RBFOX3: variants seen among roughly 807,000 people sequenced by gnomAD.
RBFOX3 encodes the protein RNA binding protein fox-1 homolog 3.
A neutral mutation model predicts 48.7 loss-of-function variants in RBFOX3; 17 were observed. That is an observed-to-expected ratio of 0.35 (90% confidence interval 0.24 to 0.52). The LOEUF (loss-of-function observed/expected upper bound fraction) is 0.52. RBFOX3 is among the 20% of genes least tolerant of loss of function. The probability of loss-of-function intolerance (pLI) is 0.94; values close to 1 mark genes in which losing one functional copy is unlikely to be tolerated. For synonymous variants in RBFOX3, 212 were observed against 209.5 expected (o/e 1.01, Z -0.10); for missense variants, 382 against 497.5 (o/e 0.77, Z 2.21).
At chr17:79,656,929 GA>G in the RBFOX3 span, among the ~76,000 whole-genome samples, 68 of 146,544 alleles carry the variant, frequency 4.6e-4, no homozygotes, top group Middle Eastern at 3.6e-3. Flanking sequence ...AAAGAAAAGA[GA>G]AATTTATAGA....
In RBFOX3 at chr17:79,195,055, T is replaced by A. The variant is rs1463626530; in HGVS notation, c.-34+40711A>T. On this transcript the variant is annotated intron_variant, in intron 4 of 14. Coordinates refer to ENST00000693108, the MANE Select transcript of RBFOX3 (RefSeq NM_001350451.2). This position sits in a 1 kb window ranked among gnomAD's most constrained non-coding sequence, Gnocchi z 5.3. Reference sequence around the variant, plus strand: ...CTCAGCCCCACCGACATCAGCTCACTATCATCCCCATTGCCTGCGCGGTGC... The same window carrying A: ...CTCAGCCCCACCGACATCAGCTCACAATCATCCCCATTGCCTGCGCGGTGC... Among the ~76,000 whole-genome samples the A allele has an allele frequency of 6.6e-6, 1 of 151,994 alleles. No individual in the cohort carries two copies. Among genetic ancestry groups the A allele is most frequent in the African/African-American group, 2.4e-5 (1 of 41,382 alleles).
At chr17:79,371,213 G>A (rs1442619272) in intron 2 of RBFOX3, among the ~76,000 whole-genome samples, 1 of 152,244 alleles carries the variant, frequency 6.6e-6, no homozygotes, top group African/African-American at 2.4e-5. Flanking sequence ...TTGCCTCCAT[G>A]GGGCAGATTA....
At chr17:79,092,058 C>T (rs2074019914) in intron 14 of RBFOX3, 11 of 985,376 alleles carry the variant, frequency 1.1e-5, no homozygotes, top group Non-Finnish European at 1.3e-5. Context: ...CACCCTCAGG[C>T]CGGGGAGACC....
At chr17:79,525,655 G>C (rs1233349424) in intron 1 of RBFOX3, among the ~76,000 whole-genome samples, 1 of 152,168 alleles carries the variant, frequency 6.6e-6, no homozygotes, top group Non-Finnish European at 1.5e-5. Flanking sequence ...GATGTCTAAA[G>C]GAACATTGCT....
chr17:79,291,254 T>C (rs1463256306), intron 3 of RBFOX3, among the ~76,000 whole-genome samples: 1 of 152,190 alleles, frequency 6.6e-6, no homozygotes, highest in Non-Finnish European at 1.5e-5. Context: ...GAGCATTCTT[T>C]GTGAGGTTAT....
intron 2 of RBFOX3, among the ~76,000 whole-genome samples, chr17:79,413,380 C>T (rs1172499534): frequency 1.3e-5 from 2 of 152,246 alleles, no homozygotes; most frequent in East Asian, 1.9e-4. Context: ...CTTCCAGAAC[C>T]TGCTGCATCC....
In RBFOX3 at chr17:79,477,302, A is replaced by G. The variant is rs1656602797; in HGVS notation, c.-175+5152T>C. ...GAGGGCGCGGTGGCTCACACCTGTAATCCCAGCACTTTGGGAGGCCAAGGC... is the reference window on the plus strand; with the variant it reads ...GAGGGCGCGGTGGCTCACACCTGTAGTCCCAGCACTTTGGGAGGCCAAGGC... On this transcript the variant is annotated intron_variant, in intron 2 of 14. Coordinates refer to ENST00000693108, the MANE Select transcript of RBFOX3 (RefSeq NM_001350451.2). The surrounding 1 kb of genome is among the most constrained non-coding windows in gnomAD (Gnocchi z 4.8). Among the ~76,000 whole-genome samples the G allele has an allele frequency of 6.7e-6, 1 of 150,244 alleles. No homozygotes were observed. The highest frequency in any genetic ancestry group is 1.5e-5 in the Non-Finnish European group (1 of 67,704).
At chr17:79,416,104 C>G (rs527325938) in intron 2 of RBFOX3, among the ~76,000 whole-genome samples, 2 of 152,330 alleles carry the variant, frequency 1.3e-5, no homozygotes, top group South Asian at 4.1e-4. Context: ...TTCCAGCACC[C>G]CCAGGCAGGG....
At chr17:79,394,277 TC>T (rs1243147588) in intron 2 of RBFOX3, among the ~76,000 whole-genome samples, 1 of 152,112 alleles carries the variant, frequency 6.6e-6, no homozygotes, top group African/African-American at 2.4e-5. Flanking sequence ...TGTGTCCAGG[TC>T]CAGGGAGGAG....
Position 79,394,836 on chromosome 17 carries a change from T to G in RBFOX3, c.-174-87012A>C, listed in dbSNP as rs1457050219. Among the ~76,000 whole-genome samples the G allele has an allele frequency of 2.0e-5, 3 of 152,046 alleles. No individual in the cohort carries two copies. In the East Asian group the frequency reaches 5.8e-4, roughly 29 times the overall value. On this transcript the variant is annotated intron_variant, in intron 2 of 14. Coordinates refer to ENST00000693108, the MANE Select transcript of RBFOX3 (RefSeq NM_001350451.2). ...TGAGACGTCCCGGGCCCTCGCTACA[T>G]GAGTGACCCAGTGAGGTAGAGGGAT... is the stretch of plus-strand genomic sequence containing the variant.
At position 79,418,990 on chromosome 17, in the gene RBFOX3, C is replaced by T. The variant is rs1242810256; in HGVS notation, c.-175+63464G>A. Among the ~76,000 whole-genome samples the T allele has an allele frequency of 6.6e-6, 1 of 152,148 alleles. No individual in the cohort carries two copies. Among genetic ancestry groups the T allele is most frequent in the Non-Finnish European group, 1.5e-5 (1 of 68,030 alleles). On this transcript the variant is annotated intron_variant, in intron 2 of 14. Coordinates refer to ENST00000693108, the MANE Select transcript of RBFOX3 (RefSeq NM_001350451.2). The surrounding 1 kb of genome is among the most constrained non-coding windows in gnomAD (Gnocchi z 5.0). ...GCCCTCAGTTAAATGTGGATAATTA[C>T]GTCTGCTGGTGTCAAGGGACCGTAT...
chr17:79,518,627 G>T (rs1301461575), intron 1 of RBFOX3, among the ~76,000 whole-genome samples: 2 of 152,378 alleles, frequency 1.3e-5, no homozygotes, highest in Non-Finnish European at 1.5e-5. Context: ...GGAAGGGCAG[G>T]CCTGGCGGAA....
intron 2 of RBFOX3, among the ~76,000 whole-genome samples, chr17:79,340,392 C>T (rs933913959): frequency 5.9e-5 from 9 of 152,158 alleles, no homozygotes; most frequent in African/African-American, 2.2e-4. Flanking sequence ...CCGCAAGCCC[C>T]ACCTCCCAGA....
intron 3 of RBFOX3, among the ~76,000 whole-genome samples, chr17:79,305,991 C>CT (rs752825972): frequency 6.6e-6 from 1 of 152,208 alleles, no homozygotes; most frequent in Non-Finnish European, 1.5e-5. Flanking sequence ...GGCTGCCCTG[C>CT]TAGAGCTCAG....
At chr17:79,428,556 C>T (rs1555726815) in intron 2 of RBFOX3, among the ~76,000 whole-genome samples, 1 of 152,232 alleles carries the variant, frequency 6.6e-6, no homozygotes, top group African/African-American at 2.4e-5. Flanking sequence ...GACCCACGGG[C>T]CTTCCTGCTT....
At chr17:79,128,315 T>A (rs2037867837) in intron 4 of RBFOX3, among the ~76,000 whole-genome samples, 1 of 152,116 alleles carries the variant, frequency 6.6e-6, no homozygotes, top group Non-Finnish European at 1.5e-5. Flanking sequence ...GGGGGGACTT[T>A]GCTTCCCAGA....
intron 4 of RBFOX3, among the ~76,000 whole-genome samples, chr17:79,187,962 C>T (rs1197150175): frequency 2.0e-5 from 3 of 152,210 alleles, no homozygotes; most frequent in Non-Finnish European, 4.4e-5. Context: ...TAGAAATTCT[C>T]ACATTCCCAG....
rs1301684046 is a variant in RBFOX3, at chr17:79,516,065, CAG to C, written c.-319-33469_-319-33468del. 371 of 152,056 alleles carry C rather than the reference CAG, an allele frequency of 2.4e-3. 4 individuals carry two copies. Among genetic ancestry groups the C allele is most frequent in the African/African-American group, 8.5e-3 (353 of 41,446 alleles). The allele number at this position is 152,056 out of a possible 1,614,324, so 9.4% of individuals were successfully genotyped here. ...GGCCAACAGAGAGAGAGGAGAGAGT[CAG>C]AGAGAGAGAGCAGAGAGTCCGAGAG... On this transcript the variant is annotated intron_variant, in intron 1 of 14. Transcript: ENST00000693108.
the RBFOX3 span, among the ~76,000 whole-genome samples, chr17:79,638,942 G>A: frequency 6.6e-6 from 1 of 152,054 alleles, no homozygotes; most frequent in East Asian, 1.9e-4. Flanking sequence ...AATTACCCAT[G>A]CTCAGCTATT....
Sources: gnomAD v4.1 joint callset for allele counts (sites outside exome capture counted in the v4.1 genomes callset) on GRCh38, gnomAD v4.1.1 for gene constraint, Gnocchi (gnomAD v3.1) non-coding constraint, MANE v1.5 for transcripts, NCBI Gene and HGNC (gene_info 2026-07-23, HGNC 2026-07-21) for gene names.